Variants in FRMD7 observed in about 807,000 individuals in gnomAD.
FRMD7 encodes FERM domain containing 7.
In FRMD7, 14 loss-of-function variants were observed where a neutral mutation model predicts 44.1. The observed-to-expected ratio is 0.32, with a 90% CI of 0.21 to 0.50. FRMD7 has a LOEUF of 0.50. Ranked by LOEUF, FRMD7 falls within the 20% of genes least tolerant of loss-of-function variation. The pLI, the probability that FRMD7 is intolerant of heterozygous loss-of-function variation, is 0.99. For missense variants in FRMD7, 501 were observed against 522.3 expected (o/e 0.96, Z 0.40); for synonymous variants, 212 against 187.4 (o/e 1.13, Z -1.07).
At chrX:132,099,805 G>C (rs1416987193) in intron 2 of FRMD7, among the ~76,000 whole-genome samples, 1 of 111,856 alleles carries the variant, frequency 8.9e-6, no homozygotes, top group African/African-American at 3.3e-5. Flanking sequence ...TGGCTCATTA[G>C]TTGCTACAAA....
At chrX:132,096,497 T>C (rs1394529373) in intron 4 of FRMD7, among the ~76,000 whole-genome samples, 1 of 108,867 alleles carries the variant, frequency 9.2e-6, no homozygotes, top group East Asian at 2.9e-4. Context: ...CGGAGAATCA[T>C]TTGAGCTCAG....
At position 132,078,444 on chromosome X, in the gene FRMD7, G is replaced by C; in HGVS notation, c.1573C>G (p.Pro525Ala). ...ERTSPHSYVE[P>A]TAMKPAERSP... ...CTTTCAGCTGGCTTCATTGCAGTGG[G>C]CTCTACATAGCTATGTGGACTTGTC... The change falls in exon 12 of 12, where the codon CCC becomes GCC. Residue 525 changes from proline to alanine, a missense_variant. This residue lies in a region of FRMD7 where 453 missense variants were observed against 452.7 expected (regional missense o/e 1.00). Transcript: ENST00000298542. The C allele has an allele frequency of 8.3e-7, 1 of 1,210,757 alleles. No individual in the cohort carries two copies. The highest frequency in any genetic ancestry group is 1.8e-5 in the South Asian group (1 of 56,925).
At chrX:132,084,684 G>A (rs1406925224) in intron 7 of FRMD7, 99 bp from the exon 8 acceptor site, 11 of 539,626 alleles carry the variant, frequency 2.0e-5, no homozygotes, top group African/African-American at 4.6e-5. Flanking sequence ...GAGAGGGACC[G>A]CCCTTGACCC....
rs1365839419 is a variant in FRMD7, at chrX:132,127,985, C to T, written c.-141G>A. The T allele has an allele frequency of 1.8e-6, 1 of 543,312 alleles. No homozygotes were observed. Among genetic ancestry groups the T allele is most frequent in the Non-Finnish European group, 3.3e-6 (1 of 303,332 alleles). 44.8% of individuals were successfully genotyped at this position (543,312 alleles called of 1,213,427 possible). A position where few individuals can be genotyped will look rare whatever the true frequency, so the allele number is the denominator to read the frequency against. On this transcript the variant is annotated 5_prime_UTR_variant, in exon 1 of 12. Coordinates refer to ENST00000298542, the MANE Select transcript of FRMD7 (RefSeq NM_194277.3). ...TTCCCACTGTCAGCGGGGCACACTTCCGTTTGCTTGAAGTAATGCACACCC... is the reference window on the plus strand; with the variant it reads ...TTCCCACTGTCAGCGGGGCACACTTTCGTTTGCTTGAAGTAATGCACACCC...
At chrX:132,112,632 G>A (rs941983793) in intron 1 of FRMD7, among the ~76,000 whole-genome samples, 5 of 111,708 alleles carry the variant, frequency 4.5e-5, no homozygotes, top group Non-Finnish European at 9.4e-5. Context: ...AAGGCTTAAC[G>A]TTTCTTAGGA....
At chrX:132,098,990 T>C (rs775067775) in intron 3 of FRMD7, among the ~76,000 whole-genome samples, 2 of 112,117 alleles carry the variant, frequency 1.8e-5, no homozygotes, top group South Asian at 7.4e-4. Context: ...ACTCAGGCGA[T>C]CCTAATGCAC....
At chrX:132,110,656 T>G (rs5930548) in intron 1 of FRMD7, among the ~76,000 whole-genome samples, 35,215 of 110,944 alleles carry the variant, frequency 0.32, 4,458 homozygotes, top group African/African-American at 0.43. Context: ...CTTGCCTCAC[T>G]TACTCTCCAT....
chrX:132,088,733 C>A (rs1247425226), intron 5 of FRMD7, among the ~76,000 whole-genome samples: 1 of 110,925 alleles, frequency 9.0e-6, no homozygotes, highest in African/African-American at 3.3e-5. Flanking sequence ...TTAAAAAGTT[C>A]CATTTACAAT....
At chrX:132,109,774 T>G (rs1229827821) in intron 1 of FRMD7, among the ~76,000 whole-genome samples, 1 of 111,600 alleles carries the variant, frequency 9.0e-6, no homozygotes, top group Non-Finnish European at 1.9e-5. Flanking sequence ...AGCTGAGGTG[T>G]GAAGCAAGAA....
chrX:132,094,266 G>C, intron 4 of FRMD7, 127 bp from the exon 5 acceptor site: 2 of 507,447 alleles, frequency 3.9e-6, no homozygotes, highest in Non-Finnish European at 7.0e-6. Context: ...TGCCTTTTTG[G>C]GGGTGGTGAG....
intron 1 of FRMD7, among the ~76,000 whole-genome samples, chrX:132,112,265 G>A (rs2124001048): frequency 8.9e-6 from 1 of 112,017 alleles, no homozygotes; most frequent in African/African-American, 3.2e-5. Flanking sequence ...AAACTGCTAA[G>A]AGTGGTGAGA....
chrX:132,126,571 T>G (rs975518549), intron 1 of FRMD7, among the ~76,000 whole-genome samples: 1 of 112,051 alleles, frequency 8.9e-6, no homozygotes, highest in African/African-American at 3.3e-5. Context: ...CCTTGAAATA[T>G]CTATTAAAAA....
chrX:132,118,352 G>T (rs1482691475), intron 1 of FRMD7, among the ~76,000 whole-genome samples: 1 of 110,525 alleles, frequency 9.0e-6, no homozygotes, highest in Non-Finnish European at 1.9e-5. Flanking sequence ...CACACGACCA[G>T]GAAAATTTAG....
In FRMD7 at chrX:132,097,258, C is replaced by A; in HGVS notation, c.284+8G>T. 2 of 1,122,861 alleles carry A rather than the reference C, an allele frequency of 1.8e-6. No individual in the cohort carries two copies. The highest frequency in any genetic ancestry group is 2.5e-6 in the Non-Finnish European group (2 of 814,117). 92.5% of individuals were successfully genotyped at this position (1,122,861 alleles called of 1,213,427 possible). A position where few individuals can be genotyped will look rare whatever the true frequency, so the allele number is the denominator to read the frequency against. The stretch of plus-strand genomic sequence containing the variant: ...CATCATGCAGAGACACACAGGTAAT[C>A]ACTATACCTTGTAAGTTCTTCCCGC... On this transcript the variant is annotated splice_region_variant and intron_variant, in intron 4 of 11. Coordinates refer to ENST00000298542, the MANE Select transcript of FRMD7 (RefSeq NM_194277.3).
intron 11 of FRMD7, among the ~76,000 whole-genome samples, chrX:132,079,501 AT>A (rs1038734692): frequency 8.9e-6 from 1 of 112,014 alleles, no homozygotes; most frequent in South Asian, 3.7e-4. Context: ...ACCTATAATT[AT>A]TTTTTTAGGG....
chrX:132,105,940 A>G (rs1403761708), intron 1 of FRMD7, among the ~76,000 whole-genome samples: 1 of 111,936 alleles, frequency 8.9e-6, no homozygotes, highest in Non-Finnish European at 1.9e-5. Flanking sequence ...CATCCTGGAC[A>G]TAGGAATGGG....
Position 132,078,558 on chromosome X carries a change from G to T in FRMD7, c.1459C>A (p.Gln487Lys). 1 of 1,211,704 alleles carries T rather than the reference G, an allele frequency of 8.3e-7. No individual in the cohort carries two copies. Among genetic ancestry groups the T allele is most frequent in the Non-Finnish European group, 1.1e-6 (1 of 895,421 alleles). The change falls in exon 12 of 12, where the codon CAG becomes AAG. Residue 487 changes from glutamine (Q) to lysine (K), a missense_variant. This residue lies in a region of FRMD7 where 453 missense variants were observed against 452.7 expected (regional missense o/e 1.00). Coordinates refer to ENST00000298542, the MANE Select transcript of FRMD7 (RefSeq NM_194277.3). Reference protein sequence around the residue: ...DVPYIPCTGQQVGIMPPQVFF... With the variant: ...DVPYIPCTGQKVGIMPPQVFF... The stretch of plus-strand genomic sequence containing the variant: ...ACCTGGGGAGGCATAATACCAACCT[G>T]CTGACCTGTACAAGGAATATAGGGC...
chrX:132,123,551 A>G (rs1399263687), intron 1 of FRMD7, among the ~76,000 whole-genome samples: 1 of 112,301 alleles, frequency 8.9e-6, no homozygotes, highest in Non-Finnish European at 1.9e-5. Flanking sequence ...TCATCATCGC[A>G]AATTTAAAAA....
At position 132,078,473 on chromosome X, in the gene FRMD7, T is replaced by G. The variant is rs377188822; in HGVS notation, c.1544A>C (p.Glu515Ala). ...TACATAGCTATGTGGACTTGTCCTT[T>G]CCTCTGCTCTAATTGGGGACCATCT... ...VPRWSPIRAEERTSPHSYVEP... is the reference protein window; with the variant it reads ...VPRWSPIRAEARTSPHSYVEP... Residue 515 changes from glutamate to alanine, a missense_variant, in exon 12 of 12, where the codon GAA (glutamate) becomes GCA (alanine). Physicochemically the swap from Glu to Ala is moderately radical, Grantham distance 107. Transcript: ENST00000298542. 1.7e-5 allele frequency: 20 copies of G among 1,209,217 alleles called. No homozygotes were observed. The highest frequency in any genetic ancestry group is 1.9e-5 in the Non-Finnish European group (17 of 894,795).
Sources: gnomAD v4.1 joint callset for allele counts (sites outside exome capture counted in the v4.1 genomes callset) on GRCh38, gnomAD v4.1.1 for gene constraint, gnomAD v4.1.1 regional missense constraint, MANE v1.5 for transcripts, NCBI Gene and HGNC (gene_info 2026-07-23, HGNC 2026-07-21) for gene names.